The following KCNQ1 variants were observed in gnomAD, a reference collection of about 807,000 sequenced individuals.
KCNQ1 encodes the protein potassium voltage-gated channel subfamily Q member 1, also known as potassium voltage-gated channel subfamily KQT member 1.
Under a neutral mutation model 72.4 loss-of-function variants are expected in KCNQ1, and 49 were observed. That is an observed-to-expected ratio of 0.68 (90% CI 0.54 to 0.86). The LOEUF (loss-of-function observed/expected upper bound fraction) is 0.86, where lower values mean the gene tolerates loss of function less well. KCNQ1 is among the 40% of genes least tolerant of loss of function. The pLI, the probability that KCNQ1 is intolerant of heterozygous loss-of-function variation, is 0.00. For synonymous variants in KCNQ1, 450 were observed against 412.6 expected (o/e 1.09, Z -1.10); for missense variants, 790 against 945.1 (o/e 0.84, Z 2.15).
chr11:2,577,562 G>C (rs1029245783), intron 6 of KCNQ1, among the ~76,000 whole-genome samples: 1 of 152,228 alleles, frequency 6.6e-6, no homozygotes, highest in Non-Finnish European at 1.5e-5. Context: ...CCATGTGACG[G>C]GGAGGCCTGG....
chr11:2,665,027 G>A, intron 11 of KCNQ1: 3 of 398,624 alleles, frequency 7.5e-6, no homozygotes, highest in East Asian at 7.1e-5. Flanking sequence ...AGGTGGGGTG[G>A]GGGGTGAGCA....
Position 2,842,228 on chromosome 11 carries a change from ACT to A in KCNQ1, c.1795-5534_1795-5533del, listed in dbSNP as rs1405071049. On this transcript the variant is annotated intron_variant, in intron 15 of 15. Transcript: ENST00000155840. The stretch of plus-strand genomic sequence containing the variant: ...AGCACAGGGGCTGCCACGACGCTCG[ACT>A]CTCTGGGCCAAGACTCACACACAGC... Among the ~76,000 whole-genome samples the A allele has an allele frequency of 2.0e-5, 3 of 151,940 alleles. No homozygotes were observed. The East Asian group carries it at 5.8e-4, about 29-fold the overall frequency.
intron 11 of KCNQ1, chr11:2,699,693 GCCCCGAGGAGAACGGCGCCGAGGAGT>G (rs1850754886): frequency 2.9e-6 from 1 of 350,810 alleles, no homozygotes; most frequent in Non-Finnish European, 5.1e-6. Flanking sequence ...AGCCCCGGGT[GCCCCGAGGAGAACGGCGCCGAGGAGT>G]CCCCGGGGAG....
intron 2 of KCNQ1, 65 bp from the exon 3 acceptor site, chr11:2,570,563 T>A (rs1025889775): frequency 1.2e-6 from 2 of 1,601,422 alleles, no homozygotes; most frequent in Non-Finnish European, 1.7e-6. Flanking sequence ...TCAAACAGGT[T>A]GCAGGGTCTG....
In KCNQ1 at chr11:2,744,933, G is replaced by C. The variant is rs766699843; in HGVS notation, c.1515-23911G>C. 3.6e-4 allele frequency among the ~76,000 whole-genome samples: 54 copies of C among 152,078 alleles called. 1 individual carries two copies. The highest frequency in any genetic ancestry group is 9.2e-4 in the Admixed American group (14 of 15,260). Reference sequence around the variant, plus strand: ...GGTGGTCGATGGTGTCATCTTTGTGGTCTAGTGTGTTCCCGAGTATACAAG... The same window carrying C: ...GGTGGTCGATGGTGTCATCTTTGTGCTCTAGTGTGTTCCCGAGTATACAAG... On this transcript the variant is annotated intron_variant, in intron 11 of 15. Transcript: ENST00000155840.
rs895835974 is a variant in KCNQ1 at position 2,826,901 on chromosome 11, G to A, written c.1795-20866G>A. Among the ~76,000 whole-genome samples, 4 of 152,248 alleles carry A rather than the reference G, an allele frequency of 2.6e-5. No homozygotes were observed. On this transcript the variant is annotated intron_variant, in intron 15 of 15. Transcript: ENST00000155840. The surrounding 1 kb of genome is among the most constrained non-coding windows in gnomAD (Gnocchi z 4.2). ...CTGGTCCTGGAGTGACAAGGACAGG[G>A]AGGAAGAAAGCCAGGCAGGTGGCCC...
chr11:2,599,868 A>G lies in KCNQ1; in HGVS notation c.1393+11014A>G, dbSNP rs11023420. 0.16 allele frequency among the ~76,000 whole-genome samples: 24,254 copies of G among 152,168 alleles called. 2,307 individuals are homozygous for G. Among genetic ancestry groups the G allele is most frequent in the East Asian group, 0.28 (1,459 of 5,164 alleles). ...ACCTCTTTAAAGGTCCTGTCTCCAA[A>G]CATGCTGAGTCACGTGCCGAGGTAT... On this transcript the variant is annotated intron_variant, in intron 10 of 15. Transcript: ENST00000155840. This position sits in a 1 kb window ranked among gnomAD's most constrained non-coding sequence, Gnocchi z 4.7.
At chr11:2,648,093 C>G (rs2133838680) in intron 10 of KCNQ1, 1 of 393,120 alleles carries the variant, frequency 2.5e-6, no homozygotes, top group South Asian at 1.4e-4. Flanking sequence ...TGCTGCACAT[C>G]TACTCAGAAG....
rs1848227104 is a variant in KCNQ1, at chr11:2,565,059, A to C, written c.478-5569A>C. Among the ~76,000 whole-genome samples, 1 of 152,012 alleles carries C rather than the reference A, an allele frequency of 6.6e-6. No individual in the cohort carries two copies. Among genetic ancestry groups the C allele is most frequent in the Non-Finnish European group, 1.5e-5 (1 of 68,012 alleles). ...CTGCTGTGGACATGGGTGTGTATGG[A>C]TCTCCTTTAAAGAGACCGGGGACAG... On this transcript the variant is annotated intron_variant, in intron 2 of 15. Coordinates refer to ENST00000155840, the MANE Select transcript of KCNQ1 (RefSeq NM_000218.3). The surrounding 1 kb of genome is among the most constrained non-coding windows in gnomAD (Gnocchi z 5.6).
Position 2,682,345 on chromosome 11 carries a change from G to C in KCNQ1, c.1514+20264G>C, listed in dbSNP as rs1214241262. 1.3e-5 allele frequency: 5 copies of C among 398,454 alleles called. No homozygotes were observed. Among genetic ancestry groups the C allele is most frequent in the Non-Finnish European group, 2.2e-5 (5 of 226,068 alleles). The allele number at this position is 398,454 out of a possible 1,614,324, so 24.7% of individuals were successfully genotyped here. On this transcript the variant is annotated intron_variant, in intron 11 of 15. Coordinates refer to ENST00000155840, the MANE Select transcript of KCNQ1 (RefSeq NM_000218.3). This position sits in a 1 kb window ranked among gnomAD's most constrained non-coding sequence, Gnocchi z 5.8. The stretch of plus-strand genomic sequence containing the variant: ...AACTGTGTGTTTATTTGTGGTAAAG[G>C]GTTTACTGGCTGGCTCCTTCTATCA...
intron 15 of KCNQ1, among the ~76,000 whole-genome samples, chr11:2,837,359 GGGAGT>G (rs1848090777): frequency 6.6e-6 from 1 of 152,134 alleles, no homozygotes; most frequent in African/African-American, 2.4e-5. Flanking sequence ...TTCAGGCCCA[GGGAGT>G]GGCCTGGGGC....
chr11:2,815,712 AGACT>A lies in KCNQ1; in HGVS notation c.1795-32054_1795-32051del, dbSNP rs1486658200. Among the ~76,000 whole-genome samples, 2 of 152,020 alleles carry A rather than the reference AGACT, an allele frequency of 1.3e-5. No individual in the cohort carries two copies. Among genetic ancestry groups the A allele is most frequent in the African/African-American group, 4.8e-5 (2 of 41,364 alleles). On this transcript the variant is annotated intron_variant, in intron 15 of 15. Transcript: ENST00000155840. The surrounding 1 kb of genome is among the most constrained non-coding windows in gnomAD (Gnocchi z 5.4). ...CAGAGGGGCAATTGGAAGAGGCTGG[AGACT>A]ATTCAGGAGAGGGTGGGAGCAGACA... is the stretch of plus-strand genomic sequence containing the variant.
At chr11:2,742,457 G>A (rs1011586566) in intron 11 of KCNQ1, among the ~76,000 whole-genome samples, 1 of 152,234 alleles carries the variant, frequency 6.6e-6, no homozygotes, top group African/African-American at 2.4e-5. Context: ...TGCCTGTGGG[G>A]TGTCTGCCTG....
In KCNQ1 at chr11:2,670,614, G is replaced by C; in HGVS notation, c.1514+8533G>C. 1.0e-5 allele frequency: 4 copies of C among 398,468 alleles called. No homozygotes were observed. Among genetic ancestry groups the C allele is most frequent in the Non-Finnish European group, 1.8e-5 (4 of 226,078 alleles). 24.7% of individuals were successfully genotyped at this position (398,468 alleles called of 1,614,324 possible). On this transcript the variant is annotated intron_variant, in intron 11 of 15. Transcript: ENST00000155840. This position sits in a 1 kb window ranked among gnomAD's most constrained non-coding sequence, Gnocchi z 4.9. ...TCATTCCCAGACACACAATCTCTGGGGGAGCCTGGATATGCATGGCAGAGG... is the reference window on the plus strand; with the variant it reads ...TCATTCCCAGACACACAATCTCTGGCGGAGCCTGGATATGCATGGCAGAGG...
rs1849176976 is a variant in KCNQ1 at position 2,621,811 on chromosome 11, G to C, written c.1393+32957G>C. The C allele has an allele frequency of 2.5e-6, 1 of 397,916 alleles. No homozygotes were observed. Among genetic ancestry groups the C allele is most frequent in the South Asian group, 1.3e-4 (1 of 7,850 alleles). 24.6% of individuals were successfully genotyped at this position (397,916 alleles called of 1,614,324 possible). On this transcript the variant is annotated intron_variant, in intron 10 of 15. Transcript: ENST00000155840. This position sits in a 1 kb window ranked among gnomAD's most constrained non-coding sequence, Gnocchi z 5.7. The stretch of plus-strand genomic sequence containing the variant: ...TTTATTTTTCAAAAATCAATTCTTT[G>C]TTTCAAAAATTGAAGTCTTAGTTTT...
rs577618666 is a variant in KCNQ1 at position 2,687,808 on chromosome 11, C to G, written c.1514+25727C>G. The G allele has an allele frequency of 2.5e-6, 1 of 398,746 alleles. No individual in the cohort carries two copies. Among genetic ancestry groups the G allele is most frequent in the East Asian group, 3.6e-5 (1 of 28,060 alleles). The allele number at this position is 398,746 out of a possible 1,614,324, so 24.7% of individuals were successfully genotyped here. On this transcript the variant is annotated intron_variant, in intron 11 of 15. Transcript: ENST00000155840. The surrounding 1 kb of genome is among the most constrained non-coding windows in gnomAD (Gnocchi z 5.0). ...CCCCTAAGCCACCCAGCCTGGCCCCCCTCCTCTGCCCCAACTGGCTCCAGG... is the reference window on the plus strand; with the variant it reads ...CCCCTAAGCCACCCAGCCTGGCCCCGCTCCTCTGCCCCAACTGGCTCCAGG...
rs114491279 is a variant in KCNQ1 at position 2,539,205 on chromosome 11, C to T, written c.477+11187C>T. Among the ~76,000 whole-genome samples, 219 of 152,328 alleles carry T rather than the reference C, an allele frequency of 1.4e-3. 1 individual carries two copies. Among genetic ancestry groups the T allele is most frequent in the African/African-American group, 5.1e-3 (211 of 41,566 alleles). The stretch of plus-strand genomic sequence containing the variant: ...CTCCTCCAGATCTCCGCCAGGTGCG[C>T]CCCCTGAAGGAAAAGGGGATGGGGG... On this transcript the variant is annotated intron_variant, in intron 2 of 15. Transcript: ENST00000155840.
At position 2,777,908 on chromosome 11, in the gene KCNQ1, C is replaced by T; in HGVS notation, c.1733-68C>T. On this transcript the variant is annotated intron_variant, in intron 14 of 15. Coordinates refer to ENST00000155840, the MANE Select transcript of KCNQ1 (RefSeq NM_000218.3). ...CCCCCAGCCCTACCACCCCACTTCC[C>T]AAGCCCAGCTGGGGTCCCCGGCCCA... The T allele has an allele frequency of 6.8e-6, 10 of 1,466,010 alleles. No homozygotes were observed. The South Asian group carries it at 1.1e-4, about 17-fold the overall frequency. 90.8% of individuals were successfully genotyped at this position (1,466,010 alleles called of 1,614,324 possible). A position where few individuals can be genotyped will look rare whatever the true frequency, so the allele number is the denominator to read the frequency against.
In KCNQ1 at chr11:2,496,495, C is replaced by CTTTTTTTTTTTTTTTTTTTTTTTTTTTT; in HGVS notation, c.387-31408_387-31407insTTTTTTTTTTTTTTTTTTTTTTTTTTTT. Among the ~76,000 whole-genome samples the CTTTTTTTTTTTTTTTTTTTTTTTTTTTT allele has an allele frequency of 6.9e-3, 205 of 29,842 alleles. 69 individuals carry two copies. The highest frequency in any genetic ancestry group is 9.9e-3 in the Non-Finnish European group (161 of 16,232). 19.6% of individuals were successfully genotyped at this position (29,842 alleles called of 152,430 possible). ...AAAATGGCTAGGATCACAACCCCTG[C>CTTTTTTTTTTTTTTTTTTTTTTTTTTTT]TTTTTTTTTTTTTTTTTTTTTTTTT... On this transcript the variant is annotated intron_variant, in intron 1 of 15. Coordinates refer to ENST00000155840, the MANE Select transcript of KCNQ1 (RefSeq NM_000218.3).
Sources: gnomAD v4.1 joint callset for allele counts (sites outside exome capture counted in the v4.1 genomes callset) on GRCh38, gnomAD v4.1.1 for gene constraint, Gnocchi (gnomAD v3.1) non-coding constraint, MANE v1.5 for transcripts, NCBI Gene and HGNC (gene_info 2026-07-23, HGNC 2026-07-21) for gene names.